The following MANBAL variants were observed in gnomAD, a reference collection of about 807,000 sequenced individuals.
MANBAL encodes protein MANBAL.
A neutral mutation model predicts 6.4 loss-of-function variants in MANBAL; 1 was observed. The observed-to-expected ratio is 0.16, with a 90% CI of 0.06 to 0.74. The LOEUF is 0.74. Ranked by LOEUF, MANBAL falls within the 30% of genes least tolerant of loss-of-function variation. The pLI, the probability that MANBAL is intolerant of heterozygous loss-of-function variation, is 0.78. For missense variants in MANBAL, 100 were observed against 107.8 expected (o/e 0.93, Z 0.32); for synonymous variants, 47 against 45.8 (o/e 1.03, Z -0.10).
At chr20:37,313,121 G>T (rs1722639284) in intron 2 of MANBAL, among the ~76,000 whole-genome samples, 1 of 152,172 alleles carries the variant, frequency 6.6e-6, no homozygotes, top group South Asian at 2.1e-4. Context: ...GCTCACGCCT[G>T]TAATCCCAGC....
At position 37,296,564 on chromosome 20, in the gene MANBAL, A is replaced by G. The variant is rs1258186075; in HGVS notation, c.-56-4644A>G. ...AGGGATTATGCCATGATGTACCATC[A>G]CTGGGTTAACTGCTTCCTGATTGTT... is the stretch of plus-strand genomic sequence containing the variant. On this transcript the variant is annotated intron_variant, in intron 1 of 2. Coordinates refer to ENST00000373606, the MANE Select transcript of MANBAL (RefSeq NM_001003897.2). 2.0e-5 allele frequency among the ~76,000 whole-genome samples: 3 copies of G among 152,222 alleles called. No individual in the cohort carries two copies. The East Asian group carries it at 5.8e-4, about 29-fold the overall frequency.
intron 2 of MANBAL, among the ~76,000 whole-genome samples, chr20:37,306,593 G>A (rs1380803439): frequency 6.6e-6 from 1 of 152,230 alleles, no homozygotes; most frequent in South Asian, 2.1e-4. Flanking sequence ...TGATGGAGGC[G>A]TGGGCCACAC....
intron 2 of MANBAL, among the ~76,000 whole-genome samples, chr20:37,307,316 A>G (rs911831474): frequency 2.0e-5 from 3 of 152,092 alleles, no homozygotes; most frequent in Non-Finnish European, 4.4e-5. Flanking sequence ...TGCAGCCACT[A>G]CTCAAGTCTT....
chr20:37,305,126 C>T (rs774651755), intron 2 of MANBAL, among the ~76,000 whole-genome samples: 9 of 152,288 alleles, frequency 5.9e-5, no homozygotes, highest in Non-Finnish European at 1.2e-4. Flanking sequence ...TCACTATTGG[C>T]GTTCTTCCAC....
intron 2 of MANBAL, among the ~76,000 whole-genome samples, chr20:37,315,999 C>T (rs950102906): frequency 6.6e-6 from 1 of 152,208 alleles, no homozygotes; most frequent in Admixed American, 6.5e-5. Flanking sequence ...GGTGAGTAAA[C>T]CAAGACACAG....
intron 2 of MANBAL, among the ~76,000 whole-genome samples, chr20:37,306,601 CACTT>C (rs778070075): frequency 2.0e-5 from 3 of 152,216 alleles, no homozygotes; most frequent in Non-Finnish European, 4.4e-5. Flanking sequence ...GCGTGGGCCA[CACTT>C]AATCCAAGCA....
At chr20:37,294,270 C>T (rs1189571626) in intron 1 of MANBAL, among the ~76,000 whole-genome samples, 1 of 152,176 alleles carries the variant, frequency 6.6e-6, no homozygotes, top group Non-Finnish European at 1.5e-5. Context: ...TTCCTGTTGG[C>T]CTTCACCAAA....
rs562656307 is a variant in MANBAL, at chr20:37,302,879, T to C, written c.150+1466T>C. Among the ~76,000 whole-genome samples, 257 of 152,304 alleles carry C rather than the reference T, an allele frequency of 1.7e-3. 5 individuals are homozygous for C. The highest frequency in any genetic ancestry group is 9.5e-3 in the South Asian group (46 of 4,824). On this transcript the variant is annotated intron_variant, in intron 2 of 2. Transcript: ENST00000373606. Reference sequence around the variant, plus strand: ...TCATACTTCATTAGTCTTTGATAGCTTCCTTGCTTCATGGTTCAATAAGAT... The same window carrying C: ...TCATACTTCATTAGTCTTTGATAGCCTCCTTGCTTCATGGTTCAATAAGAT...
intron 2 of MANBAL, among the ~76,000 whole-genome samples, chr20:37,306,894 C>G (rs1198984112): frequency 1.3e-5 from 2 of 152,216 alleles, no homozygotes; most frequent in Non-Finnish European, 2.9e-5. Flanking sequence ...ATCTGGGGAA[C>G]TTTCAAAGGC....
At position 37,316,318 on chromosome 20, in the gene MANBAL, C is replaced by G; in HGVS notation, c.161C>G (p.Pro54Arg). Residue 54 changes from proline to arginine, a missense_variant, in exon 3 of 3, where the codon CCG (proline) becomes CGG (arginine). Physicochemically the swap from Pro to Arg is moderately radical, Grantham distance 103 (BLOSUM62 -2). Coordinates refer to ENST00000373606, the MANE Select transcript of MANBAL (RefSeq NM_001003897.2). The stretch of plus-strand genomic sequence containing the variant: ...TTTATCACCTCACAGGAGGCTGAAC[C>G]GTCTGAGCCCAGAAGTGCTGAGGTG... Reference protein sequence around the residue: ...IPKSHEAEAEPSEPRSAEVTR... With the variant: ...IPKSHEAEAERSEPRSAEVTR... The G allele has an allele frequency of 6.2e-7, 1 of 1,613,494 alleles. No individual in the cohort carries two copies. Among genetic ancestry groups the G allele is most frequent in the Non-Finnish European group, 8.5e-7 (1 of 1,179,738 alleles).
In MANBAL at chr20:37,316,328, C is replaced by A. The variant is rs748754659; in HGVS notation, c.171C>A (p.Pro57=). Residue 57 remains proline (P), a synonymous_variant, in exon 3 of 3, where the codon CCC becomes CCA. Transcript: ENST00000373606. ...CACAGGAGGCTGAACCGTCTGAGCCCAGAAGTGCTGAGGTGACGAGGAAGC... is the reference window on the plus strand; with the variant it reads ...CACAGGAGGCTGAACCGTCTGAGCCAAGAAGTGCTGAGGTGACGAGGAAGC... ...SHEAEAEPSE[P]RSAEVTRKPK... The A allele has an allele frequency of 1.9e-6, 3 of 1,613,588 alleles. No individual in the cohort carries two copies. The African/African-American group carries it at 4.0e-5, about 22-fold the overall frequency.
chr20:37,290,757 C>T (rs1339027139), intron 1 of MANBAL, among the ~76,000 whole-genome samples: 3 of 151,956 alleles, frequency 2.0e-5, no homozygotes, highest in Non-Finnish European at 4.4e-5. Context: ...CCACACCCGG[C>T]TTTTTTTTCT....
intron 2 of MANBAL, among the ~76,000 whole-genome samples, chr20:37,312,096 G>A (rs1204745204): frequency 2.0e-5 from 3 of 152,210 alleles, no homozygotes; most frequent in Non-Finnish European, 4.4e-5. Flanking sequence ...AGGTAGGGAA[G>A]AGAGGAGGAG....
chr20:37,297,745 C>T (rs1033326957), intron 1 of MANBAL, among the ~76,000 whole-genome samples: 4 of 151,730 alleles, frequency 2.6e-5, no homozygotes, highest in Admixed American at 1.3e-4. Context: ...CGAGTTCAAG[C>T]GATTCTCTTG....
intron 2 of MANBAL, among the ~76,000 whole-genome samples, chr20:37,302,731 T>C (rs1442503297): frequency 1.3e-5 from 2 of 152,126 alleles, no homozygotes; most frequent in African/African-American, 4.8e-5. Flanking sequence ...TTCATAGCAT[T>C]CTGAACATAT....
At chr20:37,307,776 C>A (rs1476235289) in intron 2 of MANBAL, among the ~76,000 whole-genome samples, 2 of 151,078 alleles carry the variant, frequency 1.3e-5, no homozygotes, top group African/African-American at 4.9e-5. Flanking sequence ...AAAAAGGAAA[C>A]CAAACAAATA....
chr20:37,301,025 C>A (rs746676167), intron 1 of MANBAL, 183 bp from the exon 2 acceptor site: 3 of 224,072 alleles, frequency 1.3e-5, no homozygotes, highest in Non-Finnish European at 2.6e-5. Context: ...CACCTGTAAT[C>A]CCAGCTACTC....
At chr20:37,301,804 G>A (rs1246596269) in intron 2 of MANBAL, among the ~76,000 whole-genome samples, 1 of 152,252 alleles carries the variant, frequency 6.6e-6, no homozygotes, top group Non-Finnish European at 1.5e-5. Context: ...GGGCCCTGCC[G>A]AGGAGGCAGT....
intron 2 of MANBAL, among the ~76,000 whole-genome samples, chr20:37,308,783 C>T (rs1241157589): frequency 6.6e-6 from 1 of 152,064 alleles, no homozygotes; most frequent in South Asian, 2.1e-4. Context: ...ATAAGGTGCA[C>T]GAAGGTAACT....
Sources: allele counts gnomAD v4.1 joint callset (sites outside exome capture counted in the v4.1 genomes callset), GRCh38; gene constraint gnomAD v4.1.1; transcripts MANE v1.5; gene names NCBI Gene and HGNC (gene_info 2026-07-23, HGNC 2026-07-21).